COMMD10: variants seen among roughly 807,000 people sequenced by gnomAD.
COMMD10 encodes the protein COMM domain-containing protein 10.
A neutral mutation model predicts 28.9 loss-of-function variants in COMMD10; 33 were observed. The ratio of observed to expected loss-of-function variants is 1.14; its 90% CI spans 0.87 to 1.53. The LOEUF is 1.53. Among genes scored for constraint, COMMD10 ranks in the 40% most tolerant of loss-of-function variants. The pLI, the probability that COMMD10 is intolerant of heterozygous loss-of-function variation, is 0.00. For synonymous variants in COMMD10, 110 were observed against 81.7 expected (o/e 1.35, Z -1.87); for missense variants, 310 against 233.4 (o/e 1.33, Z -2.14).
chr5:116,227,194 C>T (rs1374371821), intron 5 of COMMD10, among the ~76,000 whole-genome samples: 1 of 152,022 alleles, frequency 6.6e-6, no homozygotes, highest in African/African-American at 2.4e-5. Context: ...TCGCTTTTAA[C>T]AGAAATTTCA....
intron 5 of COMMD10, among the ~76,000 whole-genome samples, chr5:116,213,654 C>A (rs1749024673): frequency 6.6e-6 from 1 of 152,160 alleles, no homozygotes; most frequent in East Asian, 1.9e-4. Context: ...TTACCATTTG[C>A]CATCTCATTT....
chr5:116,163,569 A>T (rs1172988216), intron 5 of COMMD10, among the ~76,000 whole-genome samples: 1 of 152,120 alleles, frequency 6.6e-6, no homozygotes, highest in South Asian at 2.1e-4. Flanking sequence ...AGCCTGGGCA[A>T]CAATAGCAAC....
intron 4 of COMMD10, among the ~76,000 whole-genome samples, chr5:116,113,798 T>C (rs908464543): frequency 6.6e-6 from 1 of 152,176 alleles, no homozygotes; most frequent in South Asian, 2.1e-4. Context: ...TCTTTTTGGT[T>C]CTGCTCTATT....
intron 5 of COMMD10, among the ~76,000 whole-genome samples, chr5:116,172,942 C>G (rs931458374): frequency 7.9e-5 from 12 of 152,022 alleles, no homozygotes; most frequent in African/African-American, 2.9e-4. Context: ...GTAACACAAT[C>G]AGATCTTTAA....
intron 4 of COMMD10, among the ~76,000 whole-genome samples, chr5:116,133,271 G>T (rs895479913): frequency 6.6e-6 from 1 of 152,164 alleles, no homozygotes; most frequent in African/African-American, 2.4e-5. Context: ...AGGCACCATA[G>T]AGCTGTGAAG....
At chr5:116,286,677 C>T (rs907688137) in intron 5 of COMMD10, among the ~76,000 whole-genome samples, 21 of 151,806 alleles carry the variant, frequency 1.4e-4, no homozygotes, top group African/African-American at 5.1e-4. Flanking sequence ...TCCCAGTTTT[C>T]CTTGTGCTAC....
chr5:116,169,689 C>T (rs911649527), intron 5 of COMMD10, among the ~76,000 whole-genome samples: 7 of 152,140 alleles, frequency 4.6e-5, no homozygotes, highest in African/African-American at 1.4e-4. Context: ...TCAACATATG[C>T]AAATGAATAA....
intron 4 of COMMD10, among the ~76,000 whole-genome samples, chr5:116,094,037 A>G (rs144705118): frequency 1.2e-4 from 18 of 152,202 alleles, no homozygotes; most frequent in Non-Finnish European, 2.5e-4. Context: ...TTGATTAAAG[A>G]CTTAAACATA....
chr5:116,292,259 G>A (rs1186190682), intron 6 of COMMD10, among the ~76,000 whole-genome samples, 192 bp from the exon 7 acceptor site: 1 of 151,918 alleles, frequency 6.6e-6, no homozygotes, highest in African/African-American at 2.4e-5. Flanking sequence ...AAATTTTCAA[G>A]CACAAATTCT....
At chr5:116,191,110 A>G (rs1035429871) in intron 5 of COMMD10, among the ~76,000 whole-genome samples, 6 of 152,116 alleles carry the variant, frequency 3.9e-5, no homozygotes, top group African/African-American at 1.4e-4. Context: ...TCCAGATTTC[A>G]GAGGGGTAGA....
chr5:116,159,995 A>G (rs1752863754), intron 5 of COMMD10, among the ~76,000 whole-genome samples: 1 of 152,190 alleles, frequency 6.6e-6, no homozygotes, highest in Admixed American at 6.5e-5. Flanking sequence ...ATAGTTATGG[A>G]CCAGGAATTG....
intron 5 of COMMD10, among the ~76,000 whole-genome samples, chr5:116,287,946 G>T (rs189627378): frequency 8.6e-5 from 13 of 151,560 alleles, no homozygotes; most frequent in African/African-American, 1.7e-4. Context: ...TTGTTTTGGG[G>T]TTTTTTCATT....
At position 116,173,056 on chromosome 5, in the gene COMMD10, TTC is replaced by T. The variant is rs545309094; in HGVS notation, c.510+38880_510+38881del. The stretch of plus-strand genomic sequence containing the variant: ...GTAAATTAACACATATAACCCTTTT[TTC>T]TGTTTGTATATTATCTTTTAATATA... On this transcript the variant is annotated intron_variant, in intron 5 of 6. Transcript: ENST00000274458. Among the ~76,000 whole-genome samples, 422 of 152,248 alleles carry T rather than the reference TTC, an allele frequency of 2.8e-3. 2 individuals are homozygous for T. The highest frequency in any genetic ancestry group is 4.5e-3 in the Non-Finnish European group (307 of 68,012).
chr5:116,245,780 C>A (rs11241382), intron 5 of COMMD10, among the ~76,000 whole-genome samples: 91,261 of 151,732 alleles, frequency 0.6, 31,112 homozygotes, highest in South Asian at 0.77. Context: ...GCATTTGATA[C>A]AATTCATACC....
At chr5:116,096,658 G>T (rs993765820) in intron 4 of COMMD10, among the ~76,000 whole-genome samples, 1 of 152,020 alleles carries the variant, frequency 6.6e-6, no homozygotes, top group Non-Finnish European at 1.5e-5. Flanking sequence ...TCCTTGCCTT[G>T]TTCCCAATTT....
intron 5 of COMMD10, among the ~76,000 whole-genome samples, chr5:116,278,605 T>A (rs939994679): frequency 1.3e-5 from 2 of 151,894 alleles, no homozygotes; most frequent in African/African-American, 2.4e-5. Context: ...TATATCTAAT[T>A]AAACATTTCA....
At chr5:116,247,974 TAACAC>T (rs1316708169) in intron 5 of COMMD10, among the ~76,000 whole-genome samples, 2 of 151,902 alleles carry the variant, frequency 1.3e-5, no homozygotes, top group Admixed American at 6.6e-5. Context: ...GTTAAAAAGA[TAACAC>T]AATATCAAAA....
chr5:116,105,577 C>T (rs1750810691), intron 4 of COMMD10, among the ~76,000 whole-genome samples: 1 of 152,186 alleles, frequency 6.6e-6, no homozygotes, highest in South Asian at 2.1e-4. Flanking sequence ...GGCTGTCATT[C>T]TGTCTAGTCT....
At chr5:116,277,355 G>T (rs1211998624) in intron 5 of COMMD10, among the ~76,000 whole-genome samples, 1 of 151,856 alleles carries the variant, frequency 6.6e-6, no homozygotes, top group African/African-American at 2.4e-5. Context: ...CAGGTAATTA[G>T]GTTAGCAGAG....
Sources: allele counts gnomAD v4.1 joint callset (sites outside exome capture counted in the v4.1 genomes callset), GRCh38; gene constraint gnomAD v4.1.1; transcripts MANE v1.5; gene names NCBI Gene and HGNC (gene_info 2026-07-23, HGNC 2026-07-21).